The following WFS1 variants were observed in gnomAD, a reference collection of about 807,000 sequenced individuals.
The protein encoded by WFS1 is wolframin ER transmembrane glycoprotein.
In WFS1, 90 loss-of-function variants were observed where a neutral mutation model predicts 68.5. That is an observed-to-expected ratio of 1.31 (90% CI 1.11 to 1.56). WFS1 has a LOEUF of 1.56. Among genes scored for constraint, WFS1 ranks in the 40% most tolerant of loss-of-function variants. The pLI is 0.00. For missense variants in WFS1, 1,767 were observed against 1,232.6 expected (o/e 1.43, Z -6.49); for synonymous variants, 860 against 540.7 (o/e 1.59, Z -8.19).
chr4:6,281,168 AC>A (rs1326634348), intron 2 of WFS1, among the ~76,000 whole-genome samples: 1 of 151,962 alleles, frequency 6.6e-6, no homozygotes, highest in Non-Finnish European at 1.5e-5. Flanking sequence ...GAGGAGGTGC[AC>A]CCCACCAGGA....
rs71539668 is a variant in WFS1 at position 6,301,847 on chromosome 4, G to C, written c.2052G>C (p.Ala684=). The change falls in exon 8 of 8, where the codon GCG becomes GCC. Residue 684 remains alanine (A), a synonymous_variant. Transcript: ENST00000226760. ...GCGCCTGGAAGGAGACCAACATGGC[G>C]CGCACCCAGATCCTCTGCAGCCACC... is the stretch of plus-strand genomic sequence containing the variant. ...GPRAWKETNM[A]RTQILCSHLE... is the part of the protein sequence containing the mutation. 6.2e-7 allele frequency: 1 copy of C among 1,612,974 alleles called. No individual in the cohort carries two copies. The highest frequency in any genetic ancestry group is 1.3e-5 in the African/African-American group (1 of 75,050).
chr4:6,270,364 CG>C (rs1560397591), intron 1 of WFS1, among the ~76,000 whole-genome samples: 18 of 151,472 alleles, frequency 1.2e-4, no homozygotes. Context: ...CCATCCCCCC[CG>C]AGTTGCCCCG....
chr4:6,295,586 C>A (rs373695895), intron 7 of WFS1, among the ~76,000 whole-genome samples: 1 of 152,180 alleles, frequency 6.6e-6, no homozygotes, highest in Non-Finnish European at 1.5e-5. Flanking sequence ...ATGCCTTCCC[C>A]GAAAACAAAG....
At chr4:6,281,379 C>A (rs1320912601) in intron 2 of WFS1, among the ~76,000 whole-genome samples, 3 of 152,164 alleles carry the variant, frequency 2.0e-5, no homozygotes, top group African/African-American at 7.2e-5. Context: ...CCAGGCCAAG[C>A]AGGGCCCTGA....
At position 6,302,321 on chromosome 4, in the gene WFS1, C is replaced by G. The variant is rs1205057354; in HGVS notation, c.2526C>G (p.Leu842=). Residue 842 remains leucine, a synonymous_variant, in exon 8 of 8, where the codon CTC becomes CTG. Transcript: ENST00000226760. ...GCAGCAAGTGGCCTGTCTTCGAGCT[C>G]AAGGCCATCAGCTGCCTCAACTGCA... ...RLGSKWPVFE[L]KAISCLNCMA... 1 of 1,612,178 alleles carries G rather than the reference C, an allele frequency of 6.2e-7. No individual in the cohort carries two copies. Among genetic ancestry groups the G allele is most frequent in the Non-Finnish European group, 8.5e-7 (1 of 1,179,740 alleles).
intron 7 of WFS1, among the ~76,000 whole-genome samples, chr4:6,295,493 G>A (rs899458255): frequency 1.3e-5 from 2 of 152,228 alleles, no homozygotes; most frequent in Admixed American, 1.3e-4. Flanking sequence ...AGTGGGGCGG[G>A]CTGGACGCAG....
At chr4:6,273,317 A>G (rs1729891457) in intron 1 of WFS1, among the ~76,000 whole-genome samples, 2 of 152,210 alleles carry the variant, frequency 1.3e-5, no homozygotes, top group Non-Finnish European at 2.9e-5. Flanking sequence ...AATATGCCTC[A>G]TTGCTCATGA....
chr4:6,295,244 C>G, intron 7 of WFS1, 55 bp downstream of exon 7: 5 of 1,605,354 alleles, frequency 3.1e-6, no homozygotes, highest in Non-Finnish European at 4.2e-6. Context: ...GACTCGCGCA[C>G]CTCAGGCAGG....
At chr4:6,288,440 G>T (rs1012656956) in intron 3 of WFS1, 4 of 195,296 alleles carry the variant, frequency 2.0e-5, no homozygotes, top group Non-Finnish European at 3.2e-5. Context: ...TGAATATTCT[G>T]GACTCTGCGC....
rs1383228330 is a variant in WFS1, at chr4:6,302,470, G to C, written c.*2G>C. On this transcript the variant is annotated 3_prime_UTR_variant, in exon 8 of 8. Coordinates refer to ENST00000226760, the MANE Select transcript of WFS1 (RefSeq NM_006005.3). The stretch of plus-strand genomic sequence containing the variant: ...TTCCCATTCCTGTCGGCGGCCTGAG[G>C]ATGGTCCGCCACGAGGAGCTTCCAG... 7.4e-6 allele frequency: 12 copies of C among 1,612,474 alleles called. No homozygotes were observed. The highest frequency in any genetic ancestry group is 1.0e-5 in the Non-Finnish European group (12 of 1,180,046).
At position 6,277,552 on chromosome 4, in the gene WFS1, T is replaced by C. The variant is rs1413763728; in HGVS notation, c.97T>C (p.Leu33=). ...TTCCCGACTCAATGCCACAGCCTCG[T>C]TGGAGCAGGAGAGGAGCGAAAGGCC... ...ARSRLNATAS[L]EQERSERPRA... The change falls in exon 2 of 8, where the codon TTG becomes CTG. Residue 33 remains leucine, a synonymous_variant. Coordinates refer to ENST00000226760, the MANE Select transcript of WFS1 (RefSeq NM_006005.3). 1.3e-6 allele frequency: 2 copies of C among 1,590,450 alleles called. No homozygotes were observed. Among genetic ancestry groups the C allele is most frequent in the Non-Finnish European group, 1.7e-6 (2 of 1,169,262 alleles).
rs954434481 is a variant in WFS1 at position 6,302,622 on chromosome 4, C to A, written c.*154C>A. 2.8e-6 allele frequency: 3 copies of A among 1,072,616 alleles called. No individual in the cohort carries two copies. Among genetic ancestry groups the A allele is most frequent in the East Asian group, 2.6e-5 (1 of 38,356 alleles). 66.4% of individuals were successfully genotyped at this position (1,072,616 alleles called of 1,614,324 possible). On this transcript the variant is annotated 3_prime_UTR_variant, in exon 8 of 8. Transcript: ENST00000226760. The stretch of plus-strand genomic sequence containing the variant: ...TGCGACCATGTGTAGATTGCGTGGA[C>A]CCCGACAAAGGGAAGGCTGCTGTGT...
In WFS1 at chr4:6,302,130, G is replaced by T. The variant is rs141328044; in HGVS notation, c.2335G>T (p.Val779Leu). The T allele has an allele frequency of 5.0e-6, 8 of 1,612,842 alleles. No individual in the cohort carries two copies. The highest frequency in any genetic ancestry group is 2.7e-5 in the African/African-American group (2 of 74,938). Residue 779 changes from valine to leucine, a missense_variant, in exon 8 of 8, where the codon GTG becomes TTG. Physicochemically the swap from Val to Leu is conservative, Grantham distance 32. Transcript: ENST00000226760. ...CGACCGCTACAAGTTTGAGATTACCGTGGGCATGCCATTCAGCAGCGGCGC... is the reference window on the plus strand; with the variant it reads ...CGACCGCTACAAGTTTGAGATTACCTTGGGCATGCCATTCAGCAGCGGCGC... ...KFDRYKFEIT[V>L]GMPFSSGADG...
At chr4:6,295,347 G>A (rs868195756) in intron 7 of WFS1, among the ~76,000 whole-genome samples, 158 bp downstream of exon 7, 3 of 152,284 alleles carry the variant, frequency 2.0e-5, no homozygotes, top group Middle Eastern at 6.8e-3. Flanking sequence ...ATCATCTATC[G>A]TCATAAGGAT....
At chr4:6,293,885 G>T (rs367780553) in intron 6 of WFS1, among the ~76,000 whole-genome samples, 1 of 152,130 alleles carries the variant, frequency 6.6e-6, no homozygotes, top group Non-Finnish European at 1.5e-5. Context: ...CATCCAGCCC[G>T]TGCTCCTTCC....
intron 4 of WFS1, among the ~76,000 whole-genome samples, chr4:6,289,967 C>A (rs1316813960): frequency 6.6e-6 from 1 of 152,196 alleles, no homozygotes; most frequent in African/African-American, 2.4e-5. Context: ...GAGATGGAGT[C>A]TCACTCTGTC....
At chr4:6,291,555 C>T (rs1299081130) in intron 5 of WFS1, among the ~76,000 whole-genome samples, 188 bp downstream of exon 5, 1 of 152,144 alleles carries the variant, frequency 6.6e-6, no homozygotes, top group Non-Finnish European at 1.5e-5. Flanking sequence ...CTGTAGAGAC[C>T]GTGCCCTAGT....
intron 6 of WFS1, 88 bp from the exon 7 acceptor site, chr4:6,294,953 C>T (rs1210782806): frequency 3.1e-5 from 49 of 1,602,872 alleles, no homozygotes; most frequent in South Asian, 2.5e-4. Flanking sequence ...CTTGGCCCCA[C>T]GCCACCGTCC....
rs912491767 is a variant in WFS1 at position 6,287,616 on chromosome 4, C to A, written c.315+441C>A. On this transcript the variant is annotated intron_variant, in intron 3 of 7. Coordinates refer to ENST00000226760, the MANE Select transcript of WFS1 (RefSeq NM_006005.3). The surrounding 1 kb of genome is among the most constrained non-coding windows in gnomAD (Gnocchi z 6.4). ...CATCAGCCAAGGGCTGGGCTTTGTG[C>A]CAGTGCTGGGGACATGATGTGGCCC... is the stretch of plus-strand genomic sequence containing the variant. Among the ~76,000 whole-genome samples, 7 of 152,268 alleles carry A rather than the reference C, an allele frequency of 4.6e-5. No homozygotes were observed. The highest frequency in any genetic ancestry group is 1.4e-4 in the African/African-American group (6 of 41,548).
Sources: gnomAD v4.1 joint callset for allele counts (sites outside exome capture counted in the v4.1 genomes callset) on GRCh38, gnomAD v4.1.1 for gene constraint, Gnocchi (gnomAD v3.1) non-coding constraint, MANE v1.5 for transcripts, NCBI Gene and HGNC (gene_info 2026-07-23, HGNC 2026-07-21) for gene names.